The following ATRNL1 variants were observed in gnomAD, a reference collection of about 807,000 sequenced individuals.
ATRNL1 encodes the protein attractin-like protein 1.
A neutral mutation model predicts 182.7 loss-of-function variants in ATRNL1; 95 were observed. That is an observed-to-expected ratio of 0.52 (90% confidence interval 0.44 to 0.62). ATRNL1 has a LOEUF of 0.62. Ranked by LOEUF, ATRNL1 falls within the 20% of genes least tolerant of loss-of-function variation. ATRNL1 has a pLI of 0.00. For missense variants in ATRNL1, 1,471 were observed against 1,679.5 expected (o/e 0.88, Z 2.17); for synonymous variants, 576 against 568.3 (o/e 1.01, Z -0.19).
At chr10:115,430,109 T>C (rs1475183961) in intron 21 of ATRNL1, among the ~76,000 whole-genome samples, 1 of 152,162 alleles carries the variant, frequency 6.6e-6, no homozygotes, top group Non-Finnish European at 1.5e-5. Flanking sequence ...TCTATATATC[T>C]GCAATTGTGG....
intron 20 of ATRNL1, among the ~76,000 whole-genome samples, chr10:115,422,222 T>C (rs781812501): frequency 6.6e-6 from 1 of 152,112 alleles, no homozygotes; most frequent in Non-Finnish European, 1.5e-5. Context: ...AGCTTCTGCA[T>C]GGCAAACAAA....
chr10:115,115,537 A>G (rs1347214133), intron 1 of ATRNL1, among the ~76,000 whole-genome samples: 1 of 152,100 alleles, frequency 6.6e-6, no homozygotes. Flanking sequence ...TTATTTGTCA[A>G]TAAAGATGAA....
chr10:115,256,572 CT>C (rs1372576165), intron 10 of ATRNL1, among the ~76,000 whole-genome samples: 2 of 152,038 alleles, frequency 1.3e-5, no homozygotes, highest in Non-Finnish European at 2.9e-5. Flanking sequence ...TTTTGTTAAT[CT>C]TTTCAAAAAA....
intron 1 of ATRNL1, among the ~76,000 whole-genome samples, chr10:115,097,884 A>G (rs1365608339): frequency 2.0e-5 from 3 of 152,214 alleles, no homozygotes; most frequent in African/African-American, 4.8e-5. Flanking sequence ...AGGTCGCGCA[A>G]CTGCACTCCA....
chr10:115,402,188 A>T (rs1554957174), intron 20 of ATRNL1, among the ~76,000 whole-genome samples: 1 of 152,156 alleles, frequency 6.6e-6, no homozygotes, highest in Non-Finnish European at 1.5e-5. Flanking sequence ...AATATGCAAA[A>T]CTACTTTGTG....
chr10:115,243,050 A>G (rs1472571221), intron 10 of ATRNL1, among the ~76,000 whole-genome samples: 1 of 151,940 alleles, frequency 6.6e-6, no homozygotes, highest in Admixed American at 6.6e-5. Flanking sequence ...TTTTTCTGGA[A>G]GTTGATGAAA....
chr10:115,140,830 C>T (rs930062587), intron 5 of ATRNL1, among the ~76,000 whole-genome samples: 2 of 152,014 alleles, frequency 1.3e-5, no homozygotes, highest in Non-Finnish European at 1.5e-5. Flanking sequence ...AGTTTTGTTG[C>T]GTAGTGCCTC....
rs1262286590 is a variant in ATRNL1 at position 115,216,470 on chromosome 10, T to C, written c.1532+590T>C. ...CAAGGTGATGGGTGTGAATAGTATT[T>C]TAATGTGCATTTTCCTGATTAGTAT... is the stretch of plus-strand genomic sequence containing the variant. On this transcript the variant is annotated intron_variant, in intron 9 of 28. Coordinates refer to ENST00000355044, the MANE Select transcript of ATRNL1 (RefSeq NM_207303.4). 5.3e-5 allele frequency among the ~76,000 whole-genome samples: 8 copies of C among 152,316 alleles called. No individual in the cohort carries two copies. The South Asian group carries it at 6.2e-4, about 12-fold the overall frequency.
intron 27 of ATRNL1, among the ~76,000 whole-genome samples, chr10:115,805,854 A>T (rs1949909366): frequency 6.6e-6 from 1 of 152,176 alleles, no homozygotes. Flanking sequence ...AGATTTTTGC[A>T]TTCAGAAATT....
Position 115,093,839 on chromosome 10 carries a change from G to A in ATRNL1, c.89G>A (p.Gly30Glu). The change falls in exon 1 of 29, where the codon GGG becomes GAG. Residue 30 changes from glycine (G) to glutamate (E), a missense_variant. Transcript: ENST00000355044. This position sits in a 1 kb window ranked among gnomAD's most constrained non-coding sequence, Gnocchi z 6.1. ...GCTCGGCCGGCGGGCGGCGGCGGCG[G>A]GGGCGCCTCCTCCTGGCTGCTGGAC... ...WRARPAGGGG[G>E]GASSWLLDGN... 6.5e-7 allele frequency: 1 copy of A among 1,530,270 alleles called. No homozygotes were observed. The allele number at this position is 1,530,270 out of a possible 1,614,324, so 94.8% of individuals were successfully genotyped here. A position where few individuals can be genotyped will look rare whatever the true frequency, so the allele number is the denominator to read the frequency against.
At chr10:115,401,450 T>C (rs1554956955) in intron 20 of ATRNL1, among the ~76,000 whole-genome samples, 1 of 152,022 alleles carries the variant, frequency 6.6e-6, no homozygotes, top group African/African-American at 2.4e-5. Flanking sequence ...CCAGTCAAGA[T>C]GGCAAATCAG....
intron 25 of ATRNL1, among the ~76,000 whole-genome samples, chr10:115,537,047 A>T (rs1554990652): frequency 6.6e-6 from 1 of 152,244 alleles, no homozygotes; most frequent in Non-Finnish European, 1.5e-5. Flanking sequence ...CTAAGTAGAA[A>T]CAATAAATGA....
At chr10:115,491,552 C>T (rs1565098727) in intron 24 of ATRNL1, among the ~76,000 whole-genome samples, 2 of 152,068 alleles carry the variant, frequency 1.3e-5, no homozygotes, top group Non-Finnish European at 2.9e-5. Flanking sequence ...ACTGTGAGGG[C>T]AAAATCACCT....
At chr10:115,364,845 C>T (rs1288232690) in intron 19 of ATRNL1, among the ~76,000 whole-genome samples, 2 of 150,310 alleles carry the variant, frequency 1.3e-5, no homozygotes, top group African/African-American at 4.9e-5. Flanking sequence ...TATATTGAAC[C>T]AGCCTTGCAT....
intron 18 of ATRNL1, among the ~76,000 whole-genome samples, chr10:115,326,257 T>C (rs1218633731): frequency 1.3e-5 from 2 of 152,122 alleles, no homozygotes; most frequent in Admixed American, 6.5e-5. Flanking sequence ...AAAATCAATG[T>C]ACAAAAATCA....
At chr10:115,865,774 T>C (rs1555104620) in intron 28 of ATRNL1, among the ~76,000 whole-genome samples, 1 of 152,174 alleles carries the variant, frequency 6.6e-6, no homozygotes, top group Admixed American at 6.5e-5. Flanking sequence ...CTGAGGTATC[T>C]GAGGCTTTGT....
Position 115,878,685 on chromosome 10 carries a change from T to C in ATRNL1, c.4018+30694T>C, listed in dbSNP as rs186065803. Among the ~76,000 whole-genome samples, 598 of 152,330 alleles carry C rather than the reference T, an allele frequency of 3.9e-3. 3 individuals carry two copies. Among genetic ancestry groups the C allele is most frequent in the African/African-American group, 0.014 (578 of 41,570 alleles). On this transcript the variant is annotated intron_variant, in intron 28 of 28. Transcript: ENST00000355044. ...AGCAAGAAAGTCCTGCTTGACATTG[T>C]ATTGGAGCCTTACAGTTTCAAGACT...
At chr10:115,130,442 G>T (rs916377038) in intron 5 of ATRNL1, among the ~76,000 whole-genome samples, 1 of 152,080 alleles carries the variant, frequency 6.6e-6, no homozygotes, top group Non-Finnish European at 1.5e-5. Flanking sequence ...AAAAAGTGTT[G>T]TTGGGTATGT....
At chr10:115,213,950 A>G (rs1849125467) in intron 8 of ATRNL1, among the ~76,000 whole-genome samples, 1 of 152,008 alleles carries the variant, frequency 6.6e-6, no homozygotes, top group Admixed American at 6.6e-5. Context: ...TTTAGCTCTT[A>G]AAAAAGTAAT....
Sources: gnomAD v4.1 joint callset for allele counts (sites outside exome capture counted in the v4.1 genomes callset) on GRCh38, gnomAD v4.1.1 for gene constraint, Gnocchi (gnomAD v3.1) non-coding constraint, MANE v1.5 for transcripts, NCBI Gene and HGNC (gene_info 2026-07-23, HGNC 2026-07-21) for gene names.